The following TGFBR1 variants were observed in gnomAD, a reference collection of about 807,000 sequenced individuals.
TGFBR1 encodes the protein transforming growth factor beta receptor 1.
Under a neutral mutation model 55.1 loss-of-function variants are expected in TGFBR1, and 20 were observed. The observed-to-expected ratio is 0.36, with a 90% CI of 0.26 to 0.53. The LOEUF is 0.53. Among genes scored for constraint, TGFBR1 ranks in the 20% least tolerant of loss-of-function variants. The pLI is 0.91. For missense variants in TGFBR1, 385 were observed against 617.6 expected (o/e 0.62, Z 3.99); for synonymous variants, 220 against 214.8 (o/e 1.02, Z -0.21).
intron 7 of TGFBR1, among the ~76,000 whole-genome samples, chr9:99,147,393 C>T (rs1377276889): frequency 6.6e-6 from 1 of 152,146 alleles, no homozygotes; most frequent in Non-Finnish European, 1.5e-5. Context: ...ATCTGGTCAT[C>T]ACAGCTCATA....
intron 3 of TGFBR1, 145 bp from the exon 4 acceptor site, chr9:99,137,714 A>G (rs925214220): frequency 4.7e-6 from 3 of 640,210 alleles, no homozygotes; most frequent in Non-Finnish European, 5.5e-6. Context: ...ATTTTATTGC[A>G]AATATAATAT....
At chr9:99,109,630 G>C (rs1826506918) in intron 1 of TGFBR1, among the ~76,000 whole-genome samples, 1 of 152,172 alleles carries the variant, frequency 6.6e-6, no homozygotes, top group South Asian at 2.1e-4. Context: ...ATGTGAGAAC[G>C]TGTCTCTTCA....
chr9:99,136,767 G>T (rs371767299), intron 3 of TGFBR1, among the ~76,000 whole-genome samples: 1 of 151,888 alleles, frequency 6.6e-6, no homozygotes, highest in African/African-American at 2.4e-5. Flanking sequence ...TCACATCAGG[G>T]AACCAAAGAG....
At chr9:99,111,748 A>G (rs1016299061) in intron 1 of TGFBR1, among the ~76,000 whole-genome samples, 1 of 152,238 alleles carries the variant, frequency 6.6e-6, no homozygotes, top group African/African-American at 2.4e-5. Context: ...TACAGAGGAA[A>G]GAGCTTCAGT....
rs1196741075 is a variant in TGFBR1, at chr9:99,150,504, T to C, written c.*1199T>C. The C allele has an allele frequency of 9.3e-6, 2 of 214,244 alleles. No individual in the cohort carries two copies. Among genetic ancestry groups the C allele is most frequent in the African/African-American group, 4.5e-5 (2 of 44,384 alleles). The allele number at this position is 214,244 out of a possible 1,614,324, so 13.3% of individuals were successfully genotyped here. ...TAGGAAGGCGAAGGTAGTTAATAAT[T>C]TGAATAGATAACAGATGTGCAAGAA... On this transcript the variant is annotated 3_prime_UTR_variant, in exon 9 of 9. Transcript: ENST00000374994.
chr9:99,138,777 T>A (rs546395730), intron 4 of TGFBR1, among the ~76,000 whole-genome samples: 40 of 152,008 alleles, frequency 2.6e-4, no homozygotes, highest in African/African-American at 9.2e-4. Context: ...TAGCTTCCGT[T>A]AATACCTTTA....
chr9:99,132,143 TA>T (rs759052421), intron 2 of TGFBR1, among the ~76,000 whole-genome samples: 4 of 151,884 alleles, frequency 2.6e-5, no homozygotes, highest in Non-Finnish European at 4.4e-5. Flanking sequence ...AGCCAAACAT[TA>T]AAAAAAATAT....
chr9:99,110,392 G>A (rs10760671), intron 1 of TGFBR1, among the ~76,000 whole-genome samples: 34,204 of 151,530 alleles, frequency 0.23, 4,071 homozygotes, highest in East Asian at 0.43. Flanking sequence ...GCATCATTTA[G>A]TTCTCATAAC....
At chr9:99,143,037 T>C (rs556325872) in intron 5 of TGFBR1, among the ~76,000 whole-genome samples, 2 of 151,684 alleles carry the variant, frequency 1.3e-5, no homozygotes, top group South Asian at 4.2e-4. Context: ...CCCAGCTGAG[T>C]AATAGAGAGA....
intron 1 of TGFBR1, among the ~76,000 whole-genome samples, chr9:99,119,959 C>T (rs1826850837): frequency 2.0e-5 from 3 of 152,234 alleles, no homozygotes. Context: ...AGACCAGAGA[C>T]TGGCACGTAA....
In TGFBR1 at chr9:99,153,142, A is replaced by G. The variant is rs768088879; in HGVS notation, c.*3837A>G. ...CTTCATATGTTAAGGAGATGCTTCA[A>G]AATGTCAATTGCTTTAAACTTAAAT... On this transcript the variant is annotated 3_prime_UTR_variant, in exon 9 of 9. Transcript: ENST00000374994. 1 of 226,306 alleles carries G rather than the reference A, an allele frequency of 4.4e-6. No individual in the cohort carries two copies. Among genetic ancestry groups the G allele is most frequent in the African/African-American group, 2.2e-5 (1 of 44,978 alleles). 14.0% of individuals were successfully genotyped at this position (226,306 alleles called of 1,614,324 possible).
rs1337723552 is a variant in TGFBR1, at chr9:99,129,627, G to A, written c.343+527G>A. On this transcript the variant is annotated intron_variant, in intron 2 of 8. Coordinates refer to ENST00000374994, the MANE Select transcript of TGFBR1 (RefSeq NM_004612.4). ...TTTAAAATTTCCTGGGGCTGGGTGC[G>A]GTGGCTCATGCCTGTAATCCCAGCA... is the stretch of plus-strand genomic sequence containing the variant. Among the ~76,000 whole-genome samples the A allele has an allele frequency of 1.3e-5, 2 of 152,102 alleles. 1 individual carries two copies. The highest frequency in any genetic ancestry group is 1.3e-4 in the Admixed American group (2 of 15,256).
Position 99,128,475 on chromosome 9 carries a change from TAAAAAAAAAAAAA to T in TGFBR1, c.98-368_98-356del, listed in dbSNP as rs66612011. On this transcript the variant is annotated intron_variant, in intron 1 of 8. Transcript: ENST00000374994. Reference sequence around the variant, plus strand: ...ATGTGAATGTTTAGTTTGGGCCTGGTAAAAAAAAAAAAAAAAAAAAAAAAGTATAACCATTACA... The same window carrying T: ...ATGTGAATGTTTAGTTTGGGCCTGGTAAAAAAAAAAAGTATAACCATTACA... 1.5e-4 allele frequency among the ~76,000 whole-genome samples: 16 copies of T among 104,034 alleles called. No homozygotes were observed. The Admixed American group carries it at 1.5e-3, about 10-fold the overall frequency. The allele number at this position is 104,034 out of a possible 152,430, so 68.3% of individuals were successfully genotyped here.
At chr9:99,136,439 G>A (rs1023388042) in intron 3 of TGFBR1, among the ~76,000 whole-genome samples, 1 of 152,060 alleles carries the variant, frequency 6.6e-6, no homozygotes, top group African/African-American at 2.4e-5. Flanking sequence ...ACTCTTAAGT[G>A]TACTTTTAAG....
At chr9:99,110,305 A>G (rs1003202456) in intron 1 of TGFBR1, among the ~76,000 whole-genome samples, 3 of 152,216 alleles carry the variant, frequency 2.0e-5, no homozygotes, top group African/African-American at 7.2e-5. Context: ...TTGCAAGAAT[A>G]TGCTACATAT....
intron 1 of TGFBR1, among the ~76,000 whole-genome samples, chr9:99,114,768 G>C (rs1469605466): frequency 6.6e-6 from 1 of 152,152 alleles, no homozygotes; most frequent in African/African-American, 2.4e-5. Context: ...TTATCTTTTG[G>C]TGTGTCTCCA....
rs1164291076 is a variant in TGFBR1 at position 99,132,755 on chromosome 9, C to T, written c.574+16C>T. ...TCTGGCTCAGGTAACATAATTGTTTCTCCTTTTTCCTAAGACATCTTTTTA... is the reference window on the plus strand; with the variant it reads ...TCTGGCTCAGGTAACATAATTGTTTTTCCTTTTTCCTAAGACATCTTTTTA... On this transcript the variant is annotated intron_variant, in intron 3 of 8. Coordinates refer to ENST00000374994, the MANE Select transcript of TGFBR1 (RefSeq NM_004612.4). 3.1e-6 allele frequency: 5 copies of T among 1,613,800 alleles called. No individual in the cohort carries two copies. The highest frequency in any genetic ancestry group is 3.4e-6 in the Non-Finnish European group (4 of 1,179,924).
chr9:99,104,123 G>C (rs1460807635), upstream of TGFBR1: 5 of 152,186 alleles, frequency 3.3e-5, no homozygotes, highest in African/African-American at 4.8e-5. Flanking sequence ...GGAGCGTCTC[G>C]CAGTAAATTA....
intron 4 of TGFBR1, among the ~76,000 whole-genome samples, chr9:99,141,894 T>C (rs1564167146): frequency 6.6e-6 from 1 of 152,230 alleles, no homozygotes; most frequent in South Asian, 2.1e-4. Flanking sequence ...GCTTTTCCAG[T>C]TTTGCTCCTG....
Sources: allele counts gnomAD v4.1 joint callset (sites outside exome capture counted in the v4.1 genomes callset), GRCh38; gene constraint gnomAD v4.1.1; transcripts MANE v1.5; gene names NCBI Gene and HGNC (gene_info 2026-07-23, HGNC 2026-07-21).